CNTN5: variants seen among roughly 807,000 people sequenced by gnomAD.
CNTN5 encodes the protein contactin-5.
In CNTN5, 77 loss-of-function variants were observed where a neutral mutation model predicts 129.1. The observed-to-expected ratio is 0.60, with a 90% CI of 0.50 to 0.72. The LOEUF (loss-of-function observed/expected upper bound fraction) is 0.72. Among genes scored for constraint, CNTN5 ranks in the 30% least tolerant of loss-of-function variants. CNTN5 has a pLI of 0.00. For missense variants in CNTN5, 1,478 were observed against 1,328.8 expected, an observed-to-expected ratio of 1.11 and a Z score of -1.75; for synonymous variants, 509 against 465.6, an observed-to-expected ratio of 1.09 and a Z score of -1.20.
chr11:100,006,018 A>G (rs1940167395), intron 9 of CNTN5, among the ~76,000 whole-genome samples: 1 of 152,132 alleles, frequency 6.6e-6, no homozygotes, highest in Non-Finnish European at 1.5e-5. Context: ...CAATAAAGCA[A>G]ATTTCACAAT....
intron 6 of CNTN5, among the ~76,000 whole-genome samples, chr11:99,883,648 A>G (rs1190502965): frequency 1.3e-5 from 2 of 152,206 alleles, no homozygotes; most frequent in African/African-American, 2.4e-5. Flanking sequence ...ATCACTCAGG[A>G]TACTCCTGGC....
intron 3 of CNTN5, among the ~76,000 whole-genome samples, chr11:99,773,589 A>C (rs1251427439): frequency 6.6e-6 from 1 of 152,068 alleles, no homozygotes; most frequent in Non-Finnish European, 1.5e-5. Flanking sequence ...CCTTACACAT[A>C]GGAAAAAAAA....
At chr11:99,990,047 G>C (rs1938965650) in intron 8 of CNTN5, among the ~76,000 whole-genome samples, 1 of 152,174 alleles carries the variant, frequency 6.6e-6, no homozygotes, top group South Asian at 2.1e-4. Context: ...TTACAGGCGT[G>C]AGCCACTGCA....
At chr11:99,508,818 A>T (rs536216602) in intron 2 of CNTN5, among the ~76,000 whole-genome samples, 161 of 152,076 alleles carry the variant, frequency 1.1e-3, no homozygotes, top group Non-Finnish European at 2.0e-3. Flanking sequence ...AGTAGCTGGG[A>T]TTACAGGCAT....
chr11:99,775,947 C>T (rs1481117508), intron 3 of CNTN5, among the ~76,000 whole-genome samples: 1 of 151,968 alleles, frequency 6.6e-6, no homozygotes, highest in African/African-American at 2.4e-5. Flanking sequence ...TTTACATCCT[C>T]TATGCTTAGA....
chr11:99,517,787 T>C (rs1237968632), intron 2 of CNTN5, among the ~76,000 whole-genome samples: 4 of 152,102 alleles, frequency 2.6e-5, no homozygotes, highest in South Asian at 2.1e-4. Flanking sequence ...ATTTCTACCA[T>C]AGCCCACCTA....
chr11:100,345,111 C>A (rs1005841028), intron 23 of CNTN5, among the ~76,000 whole-genome samples: 3 of 152,094 alleles, frequency 2.0e-5, no homozygotes. Context: ...TAACAGATAT[C>A]TGGGACTGGG....
chr11:99,409,709 C>T (rs905127580), intron 2 of CNTN5, among the ~76,000 whole-genome samples: 3 of 152,028 alleles, frequency 2.0e-5, no homozygotes, highest in South Asian at 4.1e-4. Context: ...ATGATGGAAC[C>T]GAGTGAACTC....
chr11:99,978,756 A>C (rs1938155537), intron 8 of CNTN5, among the ~76,000 whole-genome samples: 1 of 152,150 alleles, frequency 6.6e-6, no homozygotes, highest in African/African-American at 2.4e-5. Flanking sequence ...AATCCTCATC[A>C]CTAAGTGACG....
chr11:100,268,378 G>T (rs971550672), intron 17 of CNTN5, among the ~76,000 whole-genome samples: 28 of 152,120 alleles, frequency 1.8e-4, no homozygotes, highest in Non-Finnish European at 4.4e-5. Flanking sequence ...ATAACACCCT[G>T]GAGCATTGTA....
intron 1 of CNTN5, among the ~76,000 whole-genome samples, chr11:99,225,011 G>A (rs541607000): frequency 1.3e-3 from 198 of 152,202 alleles, no homozygotes; most frequent in Non-Finnish European, 1.9e-3. Context: ...CTTGAAGTTA[G>A]AAGGAAATTA....
chr11:99,893,543 A>T (rs1448410737), intron 6 of CNTN5, among the ~76,000 whole-genome samples: 2 of 152,208 alleles, frequency 1.3e-5, no homozygotes, highest in African/African-American at 4.8e-5. Context: ...AGAAAGCACA[A>T]TAATACCTAA....
intron 2 of CNTN5, among the ~76,000 whole-genome samples, chr11:99,346,895 T>G (rs994526687): frequency 6.6e-6 from 1 of 152,204 alleles, no homozygotes; most frequent in Non-Finnish European, 1.5e-5. Context: ...CACCTTTATC[T>G]TGGACTTCCC....
intron 2 of CNTN5, among the ~76,000 whole-genome samples, chr11:99,444,106 C>G (rs771085394): frequency 1.3e-5 from 2 of 151,688 alleles, no homozygotes; most frequent in South Asian, 4.2e-4. Flanking sequence ...GGTTGAGGTA[C>G]GAGAATCACT....
intron 2 of CNTN5, among the ~76,000 whole-genome samples, chr11:99,463,086 C>G (rs999059738): frequency 2.9e-5 from 4 of 139,634 alleles, no homozygotes; most frequent in African/African-American, 1.1e-4. Flanking sequence ...CCAGCCTGGG[C>G]TAGAGAGCAA....
At chr11:100,076,497 G>A (rs12361013) in intron 13 of CNTN5, among the ~76,000 whole-genome samples, 20,587 of 151,824 alleles carry the variant, frequency 0.14, 1,462 homozygotes, top group Non-Finnish European at 0.15. Context: ...TTTTTCAGAT[G>A]TTGAAAAATA....
intron 1 of CNTN5, among the ~76,000 whole-genome samples, chr11:99,174,323 C>T (rs936902853): frequency 9.2e-5 from 14 of 152,206 alleles, no homozygotes; most frequent in African/African-American, 3.1e-4. Context: ...ACACTGTTTC[C>T]TCTGTCTCTG....
chr11:100,247,696 C>T (rs908239604), intron 16 of CNTN5, among the ~76,000 whole-genome samples: 9 of 152,120 alleles, frequency 5.9e-5, no homozygotes, highest in African/African-American at 2.2e-4. Context: ...CATAATTCTT[C>T]ATAACTTTAT....
chr11:99,246,700 A>G (rs1565434536), intron 1 of CNTN5, among the ~76,000 whole-genome samples: 2 of 152,188 alleles, frequency 1.3e-5, no homozygotes, highest in Admixed American at 6.6e-5. Context: ...ATGCTAAGAA[A>G]GACAAACCAT....
Sources: allele counts gnomAD v4.1 joint callset (sites outside exome capture counted in the v4.1 genomes callset), GRCh38; gene constraint gnomAD v4.1.1; transcripts MANE v1.5; gene names NCBI Gene and HGNC (gene_info 2026-07-23, HGNC 2026-07-21).